Variants in TRPM6 observed in about 807,000 individuals in gnomAD.
The protein encoded by TRPM6 is transient receptor potential cation channel subfamily M member 6.
In TRPM6, 111 loss-of-function variants were observed where a neutral mutation model predicts 247.6. That is an observed-to-expected ratio of 0.45 (90% CI 0.38 to 0.52). The LOEUF (loss-of-function observed/expected upper bound fraction) is 0.52, where lower values mean the gene tolerates loss of function less well. Ranked by LOEUF, TRPM6 falls within the 20% of genes least tolerant of loss-of-function variation. The pLI, the probability that TRPM6 is intolerant of heterozygous loss-of-function variation, is 0.00. For synonymous variants in TRPM6, 892 were observed against 853.8 expected, an observed-to-expected ratio of 1.04 and a Z score of -0.78; for missense variants, 2,126 against 2,421.5, an observed-to-expected ratio of 0.88 and a Z score of 2.56.
chr9:74,857,753 T>G (rs372131372), intron 2 of TRPM6: 1 of 152,320 alleles, frequency 6.6e-6, no homozygotes, highest in South Asian at 2.1e-4. Context: ...AAGGATGACA[T>G]GCAAATTCAT....
At chr9:74,866,424 A>G (rs1175664226) in intron 1 of TRPM6, among the ~76,000 whole-genome samples, 4 of 152,218 alleles carry the variant, frequency 2.6e-5, no homozygotes, top group Non-Finnish European at 5.9e-5. Context: ...TAGTGTGGGC[A>G]GTTTCACTGT....
At chr9:74,878,387 C>T (rs951157904) in intron 1 of TRPM6, among the ~76,000 whole-genome samples, 7 of 152,318 alleles carry the variant, frequency 4.6e-5, no homozygotes, top group Admixed American at 3.9e-4. Flanking sequence ...CTGGCACATT[C>T]AGCTCACTGC....
intron 11 of TRPM6, among the ~76,000 whole-genome samples, chr9:74,816,091 G>A (rs551126873): frequency 1.3e-5 from 2 of 152,298 alleles, no homozygotes; most frequent in South Asian, 2.1e-4. Context: ...AGTGGCTCAC[G>A]CCTGTAATTC....
intron 3 of TRPM6, among the ~76,000 whole-genome samples, chr9:74,849,818 T>C (rs1830239242): frequency 6.6e-6 from 1 of 152,176 alleles, no homozygotes; most frequent in African/African-American, 2.4e-5. Flanking sequence ...ATCTCTACTC[T>C]CCCAAAGCCT....
chr9:74,766,380 T>A (rs1229308259), intron 25 of TRPM6, among the ~76,000 whole-genome samples: 1 of 152,234 alleles, frequency 6.6e-6, no homozygotes, highest in Non-Finnish European at 1.5e-5. Flanking sequence ...GTTTCCTCCA[T>A]GCAAGGTACG....
intron 38 of TRPM6, among the ~76,000 whole-genome samples, chr9:74,726,251 T>C (rs974644795): frequency 1.5e-4 from 23 of 152,230 alleles, no homozygotes; most frequent in African/African-American, 5.5e-4. Context: ...GTATCACACC[T>C]GTAATCCCAG....
At chr9:74,885,642 T>C (rs1296783602) in intron 1 of TRPM6, among the ~76,000 whole-genome samples, 1 of 152,250 alleles carries the variant, frequency 6.6e-6, no homozygotes, top group African/African-American at 2.4e-5. Context: ...CCATGTAGAC[T>C]TCTGATGTGT....
chr9:74,821,183 G>A (rs182061143), intron 8 of TRPM6, among the ~76,000 whole-genome samples: 1 of 152,190 alleles, frequency 6.6e-6, no homozygotes, highest in East Asian at 1.9e-4. Flanking sequence ...GGGATGGCAA[G>A]AGAAAAATTA....
intron 1 of TRPM6, among the ~76,000 whole-genome samples, chr9:74,871,735 G>C (rs1476345487): frequency 6.6e-6 from 1 of 151,850 alleles, no homozygotes; most frequent in Non-Finnish European, 1.5e-5. Context: ...TTTTGAGAGG[G>C]GGTCTCACTA....
At chr9:74,804,669 T>C in intron 14 of TRPM6, 1 of 755,178 alleles carries the variant, frequency 1.3e-6, no homozygotes, top group Non-Finnish European at 2.4e-6. Context: ...TATTCAGCAG[T>C]TCCCTACTGA....
chr9:74,726,832 G>A (rs1477928387), intron 38 of TRPM6, among the ~76,000 whole-genome samples: 1 of 152,164 alleles, frequency 6.6e-6, no homozygotes, highest in East Asian at 1.9e-4. Flanking sequence ...CTTACCTGGA[G>A]GTCCTGATGA....
chr9:74,758,020 A>G (rs1826491518), intron 27 of TRPM6, among the ~76,000 whole-genome samples: 1 of 152,222 alleles, frequency 6.6e-6, no homozygotes, highest in African/African-American at 2.4e-5. Context: ...AAGATTATGA[A>G]CATTATGCCA....
intron 4 of TRPM6, 47 bp from the exon 5 acceptor site, chr9:74,840,284 A>T: frequency 7.1e-7 from 1 of 1,406,210 alleles, no homozygotes; most frequent in African/African-American, 1.4e-5. Context: ...TAAAAAAGTT[A>T]TGCCAGGCAC....
chr9:74,804,153 T>C (rs1380247474), intron 14 of TRPM6, among the ~76,000 whole-genome samples: 2 of 152,244 alleles, frequency 1.3e-5, no homozygotes, highest in Admixed American at 1.3e-4. Context: ...TTCCCTATTA[T>C]ATATCTGCAT....
chr9:74,731,053 A>G lies in TRPM6; in HGVS notation c.5828+1632T>C, dbSNP rs1249546038. On this transcript the variant is annotated intron_variant, in intron 37 of 38. Coordinates refer to ENST00000360774, the MANE Select transcript of TRPM6 (RefSeq NM_017662.5). ...CTTCAGAGATTCCAATTTGATGCCA[A>G]TCCTTGGCTTTTGTTTTTAAGTTCC... Among the ~76,000 whole-genome samples the G allele has an allele frequency of 5.9e-5, 9 of 152,274 alleles. No homozygotes were observed. The East Asian group carries it at 1.7e-3, about 29-fold the overall frequency.
intron 14 of TRPM6, among the ~76,000 whole-genome samples, chr9:74,805,926 G>C (rs1285767914): frequency 2.0e-5 from 3 of 152,166 alleles, no homozygotes; most frequent in Non-Finnish European, 4.4e-5. Flanking sequence ...CCTCACAGCT[G>C]AATCAGAAAG....
At chr9:74,739,251 A>C in intron 35 of TRPM6, 116 bp downstream of exon 35, 1 of 1,056,218 alleles carries the variant, frequency 9.5e-7, no homozygotes, top group Non-Finnish European at 1.5e-6. Context: ...AAGAATCCAA[A>C]AATAAGATCA....
At chr9:74,802,417 C>T (rs993896235) in intron 15 of TRPM6, among the ~76,000 whole-genome samples, 7 of 152,170 alleles carry the variant, frequency 4.6e-5, no homozygotes, top group Non-Finnish European at 8.8e-5. Context: ...TTTAGCATAA[C>T]TTAAAGCAGT....
At chr9:74,766,220 G>A (rs1265185980) in intron 25 of TRPM6, among the ~76,000 whole-genome samples, 3 of 152,160 alleles carry the variant, frequency 2.0e-5, no homozygotes, top group Admixed American at 2.0e-4. Flanking sequence ...GACAAACAAC[G>A]TGGTCACCCT....
Sources: allele counts gnomAD v4.1 joint callset (sites outside exome capture counted in the v4.1 genomes callset), GRCh38; gene constraint gnomAD v4.1.1; transcripts MANE v1.5; gene names NCBI Gene and HGNC (gene_info 2026-07-23, HGNC 2026-07-21).